The following SAMD12 variants were observed in gnomAD, a reference collection of about 807,000 sequenced individuals.
SAMD12 encodes the protein sterile alpha motif domain containing 12.
Under a neutral mutation model 15.0 loss-of-function variants are expected in SAMD12, and 9 were observed. That is an observed-to-expected ratio of 0.60 (90% confidence interval 0.36 to 1.05). The LOEUF (loss-of-function observed/expected upper bound fraction) is 1.05. Among genes scored for constraint, SAMD12 ranks in the 50% least tolerant of loss-of-function variants. The pLI, the probability that SAMD12 is intolerant of heterozygous loss-of-function variation, is 0.01. For synonymous variants in SAMD12, 86 were observed against 90.1 expected (o/e 0.96, Z 0.25); for missense variants, 230 against 234.2 (o/e 0.98, Z 0.12).
chr8:118,328,001 T>G (rs1816641677), intron 4 of SAMD12, among the ~76,000 whole-genome samples: 1 of 152,218 alleles, frequency 6.6e-6, no homozygotes, highest in African/African-American at 2.4e-5. Context: ...TACTATATAT[T>G]TATAAGCAAA....
At chr8:118,444,219 A>G (rs1407081840) in intron 2 of SAMD12, among the ~76,000 whole-genome samples, 2 of 151,918 alleles carry the variant, frequency 1.3e-5, no homozygotes, top group Non-Finnish European at 2.9e-5. Flanking sequence ...GGCAAACATT[A>G]AAAAAACATT....
chr8:118,366,020 A>G (rs528374330), intron 4 of SAMD12, among the ~76,000 whole-genome samples: 4 of 152,306 alleles, frequency 2.6e-5, no homozygotes, highest in African/African-American at 9.6e-5. Context: ...ATCCATGTAT[A>G]TAAGAACCAT....
chr8:118,212,165 C>T (rs1811846849), intron 4 of SAMD12, among the ~76,000 whole-genome samples: 1 of 151,408 alleles, frequency 6.6e-6, no homozygotes, highest in Non-Finnish European at 1.5e-5. Flanking sequence ...ACTATGTGGC[C>T]CAGAATGGAG....
intron 2 of SAMD12, among the ~76,000 whole-genome samples, chr8:118,488,329 C>T (rs1244325619): frequency 2.0e-5 from 3 of 152,138 alleles, no homozygotes; most frequent in Non-Finnish European, 2.9e-5. Flanking sequence ...CAAAGAGACT[C>T]AGAACCACCA....
intron 2 of SAMD12, among the ~76,000 whole-genome samples, chr8:118,531,627 T>C (rs1395745549): frequency 4.6e-5 from 7 of 152,246 alleles, no homozygotes; most frequent in Admixed American, 4.6e-4. Flanking sequence ...GTAATTCTCT[T>C]GAAGAGGTCC....
At chr8:118,344,390 C>G (rs1332141720) in intron 4 of SAMD12, among the ~76,000 whole-genome samples, 2 of 152,208 alleles carry the variant, frequency 1.3e-5, no homozygotes, top group Non-Finnish European at 2.9e-5. Flanking sequence ...TTAGTATATG[C>G]TTAGCCCAGT....
chr8:118,573,827 A>G (rs1274364820), intron 2 of SAMD12, among the ~76,000 whole-genome samples: 1 of 152,222 alleles, frequency 6.6e-6, no homozygotes, highest in Non-Finnish European at 1.5e-5. Context: ...TCTGTATTAT[A>G]TGAACTGACT....
intron 2 of SAMD12, among the ~76,000 whole-genome samples, chr8:118,552,833 T>C (rs1048885005): frequency 6.6e-6 from 1 of 151,972 alleles, no homozygotes; most frequent in African/African-American, 2.4e-5. Flanking sequence ...TTCAGCAAAG[T>C]CTCAGGATAC....
chr8:118,595,466 T>C (rs986318169), intron 1 of SAMD12, among the ~76,000 whole-genome samples: 1 of 152,240 alleles, frequency 6.6e-6, no homozygotes, highest in Non-Finnish European at 1.5e-5. Flanking sequence ...TGACAGCCAT[T>C]AAAACATTGT....
chr8:118,527,272 T>A (rs2081529168), intron 2 of SAMD12, among the ~76,000 whole-genome samples: 1 of 152,206 alleles, frequency 6.6e-6, no homozygotes, highest in Admixed American at 6.5e-5. Context: ...ACCCTCATCA[T>A]GTTTCTCTTG....
chr8:118,450,957 A>T (rs1416883275), intron 2 of SAMD12, among the ~76,000 whole-genome samples: 1 of 152,234 alleles, frequency 6.6e-6, no homozygotes, highest in Non-Finnish European at 1.5e-5. Flanking sequence ...TACTGATGCC[A>T]TTCCAGACAT....
chr8:118,492,112 C>T (rs558280335), intron 2 of SAMD12, among the ~76,000 whole-genome samples: 1 of 140,212 alleles, frequency 7.1e-6, no homozygotes, highest in Admixed American at 7.0e-5. Context: ...ATCACTGATA[C>T]TGGTGTTGCC....
chr8:118,369,850 C>A (rs1164655651), intron 4 of SAMD12, among the ~76,000 whole-genome samples: 1 of 152,122 alleles, frequency 6.6e-6, no homozygotes, highest in Non-Finnish European at 1.5e-5. Flanking sequence ...CTATTGAGGA[C>A]ATAGGCATGG....
At chr8:118,158,166 T>A in the SAMD12 span, among the ~76,000 whole-genome samples, 727 of 152,310 alleles carry the variant, frequency 4.8e-3, 3 homozygotes, top group Non-Finnish European at 6.9e-3. Context: ...AGAAGGTACA[T>A]CTTGCATATT....
chr8:118,231,321 G>A (rs1364563313), intron 4 of SAMD12, among the ~76,000 whole-genome samples: 1 of 152,118 alleles, frequency 6.6e-6, no homozygotes, highest in African/African-American at 2.4e-5. Context: ...CCTAGGAAGG[G>A]GGAACTGACA....
chr8:118,279,753 T>G (rs1241265829), intron 4 of SAMD12, among the ~76,000 whole-genome samples: 2 of 152,356 alleles, frequency 1.3e-5, no homozygotes, highest in East Asian at 1.9e-4. Context: ...CATGCATATT[T>G]GATGCATTAT....
intron 2 of SAMD12, among the ~76,000 whole-genome samples, chr8:118,495,816 C>A (rs917024830): frequency 6.6e-6 from 1 of 152,072 alleles, no homozygotes; most frequent in African/African-American, 2.4e-5. Flanking sequence ...TAATGTGTTA[C>A]TAATATTAAT....
intron 3 of SAMD12, among the ~76,000 whole-genome samples, chr8:118,420,690 TA>T (rs1445951800): frequency 1.1e-4 from 17 of 152,242 alleles, no homozygotes; most frequent in African/African-American, 3.6e-4. Flanking sequence ...GGGAATTTTA[TA>T]TTTTTTATTT....
At chr8:118,357,289 G>A (rs1818277474) in intron 4 of SAMD12, among the ~76,000 whole-genome samples, 1 of 152,138 alleles carries the variant, frequency 6.6e-6, no homozygotes, top group Admixed American at 6.5e-5. Context: ...CCAGGCTGGA[G>A]TGCAGTGGCA....
Sources: allele counts gnomAD v4.1 joint callset (sites outside exome capture counted in the v4.1 genomes callset), GRCh38; gene constraint gnomAD v4.1.1; transcripts MANE v1.5; gene names NCBI Gene and HGNC (gene_info 2026-07-23, HGNC 2026-07-21).